ATF3: variants seen among roughly 807,000 people sequenced by gnomAD.
ATF3 encodes the protein activating transcription factor 3.
ATF3 carries 10 observed loss-of-function variants against 18.4 expected under a neutral mutation model. The ratio of observed to expected loss-of-function variants is 0.54; its 90% CI spans 0.34 to 0.92. The LOEUF (loss-of-function observed/expected upper bound fraction) is 0.92. Ranked by LOEUF, ATF3 falls within the 40% of genes least tolerant of loss-of-function variation. ATF3 has a pLI of 0.02. For missense variants in ATF3, 183 were observed against 222.3 expected, an observed-to-expected ratio of 0.82 and a Z score of 1.12; for synonymous variants, 78 against 87.9, an observed-to-expected ratio of 0.89 and a Z score of 0.63.
At chr1:212,614,301 C>T (rs1655009358) in intron 1 of ATF3, among the ~76,000 whole-genome samples, 1 of 152,202 alleles carries the variant, frequency 6.6e-6, no homozygotes, top group African/African-American at 2.4e-5. Context: ...CAGTGCCTCA[C>T]TTTTCTTTAA....
rs750197078 is a variant in ATF3 at position 212,615,226 on chromosome 1, G to C, written c.205G>C (p.Asp69His). The C allele has an allele frequency of 1.2e-6, 2 of 1,614,116 alleles. No homozygotes were observed. Among genetic ancestry groups the C allele is most frequent in the Non-Finnish European group, 1.7e-6 (2 of 1,180,028 alleles). ...SSALESVTVSDRPLGVSITKA... is the reference protein window; with the variant it reads ...SSALESVTVSHRPLGVSITKA... The stretch of plus-strand genomic sequence containing the variant: ...TGCGCTGGAATCAGTCACTGTCAGC[G>C]ACAGACCCCTCGGGGTGTCCATCAC... The change falls in exon 2 of 4, where the codon GAC (aspartate) becomes CAC (histidine). Residue 69 changes from aspartate to histidine, a missense_variant. Asp to His is a moderately conservative substitution (Grantham distance 81). Transcript: ENST00000341491.
At chr1:212,585,237 A>AG (rs900613643) in intron 1 of ATF3, among the ~76,000 whole-genome samples, 2 of 152,218 alleles carry the variant, frequency 1.3e-5, no homozygotes, top group African/African-American at 4.8e-5. Flanking sequence ...TGCTGAGCCC[A>AG]GGGGACGTGA....
At chr1:212,582,379 T>A (rs897278235) in intron 1 of ATF3, among the ~76,000 whole-genome samples, 2 of 152,150 alleles carry the variant, frequency 1.3e-5, no homozygotes, top group African/African-American at 4.8e-5. Context: ...GAGACTGAAG[T>A]CGCCAACCAA....
intron 1 of ATF3, among the ~76,000 whole-genome samples, chr1:212,583,230 G>A: frequency 6.6e-6 from 1 of 151,552 alleles, no homozygotes; most frequent in East Asian, 1.9e-4. Flanking sequence ...TTCTCTCTCT[G>A]TTTTTTTTTA....
chr1:212,570,414 A>G (rs1383483172), intron 1 of ATF3, among the ~76,000 whole-genome samples: 1 of 152,234 alleles, frequency 6.6e-6, no homozygotes, highest in Non-Finnish European at 1.5e-5. Flanking sequence ...GTTTTGACAA[A>G]TGACAGATGC....
Position 212,618,840 on chromosome 1 carries a change from C to T in ATF3, c.349-518C>T, listed in dbSNP as rs1655244928. 1.5e-6 allele frequency: 1 copy of T among 648,696 alleles called. No individual in the cohort carries two copies. The highest frequency in any genetic ancestry group is 1.9e-5 in the South Asian group (1 of 54,026). The allele number at this position is 648,696 out of a possible 1,614,324, so 40.2% of individuals were successfully genotyped here. On this transcript the variant is annotated intron_variant, in intron 3 of 3. Transcript: ENST00000341491. The surrounding 1 kb of genome is among the most constrained non-coding windows in gnomAD (Gnocchi z 4.4). ...CAGCAGTCTTTCCAGTGGCTGTGTC[C>T]CTCCTCCAAATGTGGACAGGCCATG...
chr1:212,571,347 AT>A (rs920633825), intron 1 of ATF3, among the ~76,000 whole-genome samples: 2 of 152,082 alleles, frequency 1.3e-5, no homozygotes, highest in Admixed American at 6.6e-5. Context: ...CTCTAAATTA[AT>A]TTTTTTCTAA....
Position 212,619,183 on chromosome 1 carries a change from A to G in ATF3, c.349-175A>G. ...CATCACCAGGGTTTCTCTGAAGAAGAGGGTCTGCATTTTCCTAAACCCAGT... is the reference window on the plus strand; with the variant it reads ...CATCACCAGGGTTTCTCTGAAGAAGGGGGTCTGCATTTTCCTAAACCCAGT... On this transcript the variant is annotated intron_variant, in intron 3 of 3. Coordinates refer to ENST00000341491, the MANE Select transcript of ATF3 (RefSeq NM_001674.4). The surrounding 1 kb of genome is among the most constrained non-coding windows in gnomAD (Gnocchi z 4.4). 1 of 1,612,780 alleles carries G rather than the reference A, an allele frequency of 6.2e-7. No homozygotes were observed. Among genetic ancestry groups the G allele is most frequent in the Non-Finnish European group, 8.5e-7 (1 of 1,179,848 alleles).
chr1:212,582,858 G>T (rs942500364), intron 1 of ATF3, among the ~76,000 whole-genome samples: 1 of 152,126 alleles, frequency 6.6e-6, no homozygotes, highest in Non-Finnish European at 1.5e-5. Flanking sequence ...TCCCGCTGAA[G>T]TATAATTCTC....
At chr1:212,568,895 G>T (rs1375865730) in intron 1 of ATF3, among the ~76,000 whole-genome samples, 1 of 151,922 alleles carries the variant, frequency 6.6e-6, no homozygotes, top group Admixed American at 6.6e-5. Context: ...TTTGGGTGTG[G>T]GTGACTATTC....
chr1:212,581,714 A>AT (rs1429563330), intron 1 of ATF3, among the ~76,000 whole-genome samples: 2 of 152,220 alleles, frequency 1.3e-5, no homozygotes, highest in Non-Finnish European at 2.9e-5. Context: ...TCCTAAAATA[A>AT]TTACTCAGTA....
chr1:212,593,743 TAAAAAAA>T (rs58956572), intron 1 of ATF3, among the ~76,000 whole-genome samples: 12 of 115,394 alleles, frequency 1.0e-4, no homozygotes, highest in South Asian at 3.0e-4. Context: ...CCTGTCTCTT[TAAAAAAA>T]AAAAAAAAAA....
chr1:212,594,492 T>A (rs1199232484), intron 1 of ATF3, among the ~76,000 whole-genome samples: 1 of 152,236 alleles, frequency 6.6e-6, no homozygotes, highest in Non-Finnish European at 1.5e-5. Flanking sequence ...AACAGAGTCC[T>A]ACTGGTGTCA....
At chr1:212,615,361 A>C (rs1655075443) in intron 2 of ATF3, 100 bp downstream of exon 2, 9 of 1,427,724 alleles carry the variant, frequency 6.3e-6, no homozygotes, top group Non-Finnish European at 8.5e-6. Flanking sequence ...TTGAGAGTGA[A>C]ACAAACAAAA....
At chr1:212,576,721 CTTTTTTT>C (rs57512671) in intron 1 of ATF3, among the ~76,000 whole-genome samples, 105 of 57,310 alleles carry the variant, frequency 1.8e-3, no homozygotes, top group African/African-American at 7.4e-3. Flanking sequence ...CTTTTCTTTT[CTTTTTTT>C]TTTTTTTTTT....
intron 1 of ATF3, among the ~76,000 whole-genome samples, chr1:212,572,306 AG>A (rs1249255113): frequency 6.6e-6 from 1 of 151,882 alleles, no homozygotes; most frequent in Non-Finnish European, 1.5e-5. Context: ...CCCCTGAGGT[AG>A]GGGGTTCGAG....
chr1:212,619,760 T>G lies in ATF3; in HGVS notation c.*205T>G. 2 of 587,952 alleles carry G rather than the reference T, an allele frequency of 3.4e-6. No individual in the cohort carries two copies. The highest frequency in any genetic ancestry group is 3.9e-5 in the South Asian group (2 of 51,082). 36.4% of individuals were successfully genotyped at this position (587,952 alleles called of 1,614,324 possible). On this transcript the variant is annotated 3_prime_UTR_variant, in exon 4 of 4. Transcript: ENST00000341491. The surrounding 1 kb of genome is among the most constrained non-coding windows in gnomAD (Gnocchi z 4.4). ...GGTCTTGGACCAGGGCAAGTGCATC[T>G]TTGCCTCAACTCCAGGATTTAGGCC...
intron 1 of ATF3, among the ~76,000 whole-genome samples, chr1:212,580,156 C>CAAAA (rs368461154): frequency 2.4e-4 from 35 of 148,644 alleles, no homozygotes; most frequent in African/African-American, 7.5e-4. Flanking sequence ...GACTCCGTCT[C>CAAAA]AAAAAAAAAG....
At chr1:212,589,377 C>A (rs370385873) in intron 1 of ATF3, among the ~76,000 whole-genome samples, 32 of 152,200 alleles carry the variant, frequency 2.1e-4, no homozygotes, top group Non-Finnish European at 4.6e-4. Flanking sequence ...TGCTGATATC[C>A]TCAGCTAATG....
Sources: allele counts gnomAD v4.1 joint callset (sites outside exome capture counted in the v4.1 genomes callset), GRCh38; gene constraint gnomAD v4.1.1; non-coding constraint Gnocchi (gnomAD v3.1); transcripts MANE v1.5; gene names NCBI Gene and HGNC (gene_info 2026-07-23, HGNC 2026-07-21).